The following LRP2 variants were observed in gnomAD, a reference collection of about 807,000 sequenced individuals.
LRP2 encodes LDL receptor related protein 2, also known as low-density lipoprotein receptor-related protein 2.
LRP2 carries 172 observed loss-of-function variants against 531.0 expected under a neutral mutation model. That is an observed-to-expected ratio of 0.32 (90% CI 0.29 to 0.37). The LOEUF is 0.37. Ranked by LOEUF, LRP2 falls within the 10% of genes least tolerant of loss-of-function variation. The pLI, the probability that LRP2 is intolerant of heterozygous loss-of-function variation, is 1.00. For synonymous variants in LRP2, 1,992 were observed against 2,027.6 expected (o/e 0.98, Z 0.47); for missense variants, 5,167 against 5,868.3 (o/e 0.88, Z 3.90).
intron 34 of LRP2, among the ~76,000 whole-genome samples, chr2:169,217,588 T>G (rs1688844716): frequency 6.6e-6 from 1 of 152,134 alleles, no homozygotes; most frequent in African/African-American, 2.4e-5. Flanking sequence ...CTGCCCTTTT[T>G]TTTCTTTCTC....
At chr2:169,225,849 A>G (rs1226884600) in intron 32 of LRP2, among the ~76,000 whole-genome samples, 1 of 152,150 alleles carries the variant, frequency 6.6e-6, no homozygotes, top group African/African-American at 2.4e-5. Context: ...CCCTATTCTT[A>G]CAGGTTTTTT....
chr2:169,155,452 A>C (rs937934972), intron 65 of LRP2, among the ~76,000 whole-genome samples: 7 of 152,180 alleles, frequency 4.6e-5, no homozygotes, highest in African/African-American at 1.4e-4. Flanking sequence ...TAAGTATGCT[A>C]GTCAAATGTA....
rs1307741653 is a variant in LRP2 at position 169,127,447 on chromosome 2, C to CCAACCACT, written c.*1208_*1215dup. On this transcript the variant is annotated 3_prime_UTR_variant, in exon 79 of 79. Transcript: ENST00000649046. ...GGCACAGTGGCTCACGCCCGTAACC[C>CCAACCACT]CAACCACTCAGGAGGCTGAGGTGGG... is the stretch of plus-strand genomic sequence containing the variant. The CCAACCACT allele has an allele frequency of 6.7e-6, 1 of 148,438 alleles. No homozygotes were observed. The highest frequency in any genetic ancestry group is 6.9e-5 in the Admixed American group (1 of 14,494). 9.2% of individuals were successfully genotyped at this position (148,438 alleles called of 1,614,324 possible). A position where few individuals can be genotyped will look rare whatever the true frequency, so the allele number is the denominator to read the frequency against.
intron 1 of LRP2, among the ~76,000 whole-genome samples, chr2:169,342,554 ACTT>A (rs1021211292): frequency 2.6e-5 from 4 of 152,130 alleles, no homozygotes; most frequent in Non-Finnish European, 4.4e-5. Context: ...AAGGCACCAA[ACTT>A]CTTAGCTTGA....
rs764762447 is a variant in LRP2, at chr2:169,152,786, A to T, written c.12461+13T>A. The stretch of plus-strand genomic sequence containing the variant: ...AACAGAACAGGTAAGGGGGGAATGT[A>T]TGGCAAATTTACCTTCCAACCCAGT... On this transcript the variant is annotated intron_variant, in intron 67 of 78. Coordinates refer to ENST00000649046, the MANE Select transcript of LRP2 (RefSeq NM_004525.3). 2 of 1,613,850 alleles carry T rather than the reference A, an allele frequency of 1.2e-6. No homozygotes were observed. The highest frequency in any genetic ancestry group is 3.3e-5 in the Admixed American group (2 of 59,994).
chr2:169,281,353 C>T (rs189247186), intron 10 of LRP2, among the ~76,000 whole-genome samples: 9 of 152,192 alleles, frequency 5.9e-5, no homozygotes, highest in Admixed American at 2.6e-4. Flanking sequence ...ACCCGAGAGG[C>T]GGAGATTGCA....
In LRP2 at chr2:169,216,876, C is replaced by T. The variant is rs188879986; in HGVS notation, c.5649-446G>A. Among the ~76,000 whole-genome samples the T allele has an allele frequency of 2.2e-4, 34 of 152,248 alleles. No homozygotes were observed. In the East Asian group the frequency reaches 5.2e-3, roughly 23 times the overall value. ...CCCAAATCACCATCTACCACAAGAC[C>T]GGCTACTTAATTACCTAACCTGATT... On this transcript the variant is annotated intron_variant, in intron 34 of 78. Coordinates refer to ENST00000649046, the MANE Select transcript of LRP2 (RefSeq NM_004525.3).
At position 169,312,046 on chromosome 2, in the gene LRP2, A is replaced by G. The variant is rs1055102477; in HGVS notation, c.311-4649T>C. Among the ~76,000 whole-genome samples, 5 of 151,624 alleles carry G rather than the reference A, an allele frequency of 3.3e-5. 1 individual carries two copies. The highest frequency in any genetic ancestry group is 9.7e-5 in the African/African-American group (4 of 41,220). ...ACCCCTGCCTTTTTTTGTGTTTTCC[A>G]TTTGCTTGGTAGATCTTCCTCCATC... On this transcript the variant is annotated intron_variant, in intron 3 of 78. Transcript: ENST00000649046.
At chr2:169,208,959 A>T (rs762016900) in intron 38 of LRP2, among the ~76,000 whole-genome samples, 1 of 152,206 alleles carries the variant, frequency 6.6e-6, no homozygotes, top group African/African-American at 2.4e-5. Flanking sequence ...ATACTGGACC[A>T]GGCATTTAAA....
chr2:169,311,294 G>T (rs1248342463), intron 3 of LRP2, among the ~76,000 whole-genome samples: 1 of 152,126 alleles, frequency 6.6e-6, no homozygotes. Flanking sequence ...TGTGATGTTA[G>T]GGTGTCAATT....
Position 169,170,644 on chromosome 2 carries a change from C to T in LRP2, c.11287G>A (p.Glu3763Lys), listed in dbSNP as rs775918663. ...NCAPRECTES[E>K]FRCVNQQCIP... The stretch of plus-strand genomic sequence containing the variant: ...CACTGCTGATTGACACATCGAAACT[C>T]GCTCTCTGTGCACTCCCGGGGAGCT... Residue 3763 changes from glutamate (E) to lysine (K), a missense_variant, in exon 59 of 79, where the codon GAG (glutamate) becomes AAG (lysine). By Grantham distance (56) the Glu-to-Lys change is moderately conservative. Coordinates refer to ENST00000649046, the MANE Select transcript of LRP2 (RefSeq NM_004525.3). The T allele has an allele frequency of 1.3e-5, 21 of 1,613,850 alleles. No individual in the cohort carries two copies. In the Admixed American group the frequency reaches 2.0e-4, roughly 15 times the overall value.
intron 1 of LRP2, among the ~76,000 whole-genome samples, chr2:169,351,093 T>C (rs982866033): frequency 6.6e-6 from 1 of 152,198 alleles, no homozygotes; most frequent in East Asian, 1.9e-4. Flanking sequence ...AGGCAGTTTC[T>C]TGAAAATCTA....
chr2:169,243,508 A>G lies in LRP2; in HGVS notation c.3445T>C (p.Cys1149Arg). Residue 1149 changes from cysteine (C) to arginine (R), a missense_variant, in exon 23 of 79, where the codon TGC becomes CGC. Cys to Arg is a radical substitution (Grantham distance 180). Around this residue, in one of 6 missense-constraint regions of LRP2, gnomAD observed 2,811 missense variants for 3,058.0 expected, o/e 0.92. Transcript: ENST00000649046. ...DEKNCNSTET[C>R]QPSQFNCPNH... ...GGGCAATTAAACTGACTAGGTTGGC[A>G]TGTCTCTGTCGAATCTAATGTCATC... The G allele has an allele frequency of 6.2e-7, 1 of 1,614,160 alleles. No individual in the cohort carries two copies. Among genetic ancestry groups the G allele is most frequent in the Non-Finnish European group, 8.5e-7 (1 of 1,179,992 alleles).
chr2:169,216,983 G>A (rs1398036728), intron 34 of LRP2, among the ~76,000 whole-genome samples: 1 of 152,044 alleles, frequency 6.6e-6, no homozygotes, highest in African/African-American at 2.4e-5. Flanking sequence ...CTGTGAGAGT[G>A]GAATCTCATT....
intron 61 of LRP2, 143 bp from the exon 62 acceptor site, chr2:169,166,197 C>A (rs963427272): frequency 2.5e-6 from 2 of 798,154 alleles, no homozygotes; most frequent in African/African-American, 1.7e-5. Context: ...GCAGATACAC[C>A]TTACATGTAT....
At chr2:169,259,339 A>T in intron 16 of LRP2, 122 bp from the exon 17 acceptor site, 3 of 465,488 alleles carry the variant, frequency 6.4e-6, no homozygotes, top group Non-Finnish European at 1.1e-5. Context: ...CACATGTGGA[A>T]TTCTTTAAAA....
At chr2:169,175,616 C>G (rs1260789582) in intron 54 of LRP2, among the ~76,000 whole-genome samples, 1 of 149,554 alleles carries the variant, frequency 6.7e-6, no homozygotes, top group Admixed American at 6.8e-5. Flanking sequence ...AAAATGTGCT[C>G]TTAATATGAT....
Position 169,214,087 on chromosome 2 carries a change from G to A in LRP2, c.5827-217C>T, listed in dbSNP as rs75092581. 0.091 allele frequency among the ~76,000 whole-genome samples: 13,883 copies of A among 152,072 alleles called. 895 individuals are homozygous for A. The highest frequency in any genetic ancestry group is 0.18 in the African/African-American group (7,498 of 41,456). On this transcript the variant is annotated intron_variant, in intron 35 of 78. Coordinates refer to ENST00000649046, the MANE Select transcript of LRP2 (RefSeq NM_004525.3). ...TGCCCCTTTCATTGATAATGAAGAC[G>A]GAGCTCACATGAGTCAGTCAACCTT...
intron 70 of LRP2, among the ~76,000 whole-genome samples, chr2:169,145,069 A>G (rs936603988): frequency 6.6e-6 from 1 of 152,262 alleles, no homozygotes; most frequent in African/African-American, 2.4e-5. Context: ...AAATGTCTTT[A>G]TAAGGTTTGG....
Sources: gnomAD v4.1 joint callset for allele counts (sites outside exome capture counted in the v4.1 genomes callset) on GRCh38, gnomAD v4.1.1 for gene constraint, gnomAD v4.1.1 regional missense constraint, MANE v1.5 for transcripts, NCBI Gene and HGNC (gene_info 2026-07-23, HGNC 2026-07-21) for gene names.